The following ERBB4 variants were observed in gnomAD, a reference collection of about 807,000 sequenced individuals.
ERBB4 encodes the protein receptor tyrosine-protein kinase erbB-4.
ERBB4 carries 42 observed loss-of-function variants against 158.0 expected under a neutral mutation model. The ratio of observed to expected loss-of-function variants is 0.27; its 90% CI spans 0.21 to 0.34. The LOEUF is 0.34. Ranked by LOEUF, ERBB4 falls within the 10% of genes least tolerant of loss-of-function variation. The pLI is 1.00. For missense variants in ERBB4, 1,333 were observed against 1,624.1 expected, an observed-to-expected ratio of 0.82 and a Z score of 3.08; for synonymous variants, 583 against 558.7, an observed-to-expected ratio of 1.04 and a Z score of -0.61.
chr2:211,657,622 T>C (rs868033296), intron 16 of ERBB4, 132 bp downstream of exon 16: 11 of 766,030 alleles, frequency 1.4e-5, no homozygotes, highest in Middle Eastern at 3.5e-4. Flanking sequence ...TTTATGCCTC[T>C]TTCAAAACTT....
intron 1 of ERBB4, among the ~76,000 whole-genome samples, chr2:212,511,913 G>C (rs915757705): frequency 1.3e-5 from 2 of 152,090 alleles, no homozygotes; most frequent in African/African-American, 4.8e-5. Context: ...TGGGCTGCCA[G>C]TTCCAGGTGT....
At chr2:212,535,512 G>A (rs2106354841) in intron 1 of ERBB4, among the ~76,000 whole-genome samples, 1 of 152,120 alleles carries the variant, frequency 6.6e-6, no homozygotes, top group Admixed American at 6.5e-5. Flanking sequence ...AAAAAGAAAT[G>A]GGAACTGAAC....
chr2:211,933,345 T>C (rs1018748745), intron 3 of ERBB4, among the ~76,000 whole-genome samples: 1 of 152,082 alleles, frequency 6.6e-6, no homozygotes, highest in African/African-American at 2.4e-5. Context: ...CCATGCTTTA[T>C]AAAAGATATA....
At chr2:212,509,311 T>C (rs1678430286) in intron 1 of ERBB4, among the ~76,000 whole-genome samples, 1 of 152,056 alleles carries the variant, frequency 6.6e-6, no homozygotes, top group East Asian at 1.9e-4. Context: ...ATTTTCCCAT[T>C]ATGACTCTTG....
chr2:212,366,121 TTTGA>T (rs1236761573), intron 1 of ERBB4, among the ~76,000 whole-genome samples: 1 of 151,890 alleles, frequency 6.6e-6, no homozygotes, highest in Admixed American at 6.6e-5. Flanking sequence ...AAAATATAAA[TTTGA>T]TTGGCAAAAT....
At chr2:211,820,762 G>A (rs374716205) in intron 3 of ERBB4, among the ~76,000 whole-genome samples, 1 of 151,788 alleles carries the variant, frequency 6.6e-6, no homozygotes. Flanking sequence ...GTTTATTCCA[G>A]AAGTGCAAGG....
chr2:211,752,300 GA>G (rs1012222656), intron 4 of ERBB4, among the ~76,000 whole-genome samples: 2 of 152,024 alleles, frequency 1.3e-5, no homozygotes, highest in African/African-American at 4.8e-5. Context: ...TTTTTTATGA[GA>G]AAGTAGCTAA....
intron 4 of ERBB4, chr2:211,779,390 G>A (rs184792804): frequency 6.6e-6 from 1 of 152,236 alleles, no homozygotes; most frequent in East Asian, 1.9e-4. Flanking sequence ...AGCAGTACTC[G>A]CCATTATAGG....
chr2:212,122,786 TA>T (rs543850858), intron 2 of ERBB4, among the ~76,000 whole-genome samples: 1 of 151,702 alleles, frequency 6.6e-6, no homozygotes, highest in Admixed American at 6.6e-5. Flanking sequence ...ATAAAATATA[TA>T]AAAAGACATT....
chr2:212,110,958 C>A (rs1411861055), intron 2 of ERBB4, among the ~76,000 whole-genome samples: 1 of 152,158 alleles, frequency 6.6e-6, no homozygotes, highest in Non-Finnish European at 1.5e-5. Flanking sequence ...TCTGGCCACC[C>A]GCCTACCTGA....
chr2:211,814,380 G>C (rs74578708), intron 3 of ERBB4, among the ~76,000 whole-genome samples: 6,489 of 152,206 alleles, frequency 0.043, 249 homozygotes, highest in Non-Finnish European at 0.064. Flanking sequence ...CATAAGGCAT[G>C]TAATATATGA....
At position 212,538,608 on chromosome 2, in the gene ERBB4, T is replaced by A. The variant is rs1693247324; in HGVS notation, c.-78A>T. 2 of 1,457,754 alleles carry A rather than the reference T, an allele frequency of 1.4e-6. No homozygotes were observed. Among genetic ancestry groups the A allele is most frequent in the African/African-American group, 1.4e-5 (1 of 71,630 alleles). The allele number at this position is 1,457,754 out of a possible 1,614,324, so 90.3% of individuals were successfully genotyped here. A position where few individuals can be genotyped will look rare whatever the true frequency, so the allele number is the denominator to read the frequency against. Reference sequence around the variant, plus strand: ...CCCCCTTTCGGGCACGCGGAGGAGATCCCCCAGCCGGGCGCGCGTGGGGGT... The same window carrying A: ...CCCCCTTTCGGGCACGCGGAGGAGAACCCCCAGCCGGGCGCGCGTGGGGGT... On this transcript the variant is annotated 5_prime_UTR_variant, in exon 1 of 28. Coordinates refer to ENST00000342788, the MANE Select transcript of ERBB4 (RefSeq NM_005235.3).
At chr2:211,884,063 C>A (rs1288113145) in intron 3 of ERBB4, among the ~76,000 whole-genome samples, 1 of 152,086 alleles carries the variant, frequency 6.6e-6, no homozygotes. Flanking sequence ...TGAAACAGTA[C>A]AATATAAACA....
chr2:211,782,417 T>A (rs147948060), intron 4 of ERBB4, among the ~76,000 whole-genome samples: 209 of 122,240 alleles, frequency 1.7e-3, no homozygotes, highest in Non-Finnish European at 2.8e-3. Flanking sequence ...CACTGTCACC[T>A]AGCAGCTTAG....
chr2:211,943,608 C>T (rs2080568071), intron 3 of ERBB4, among the ~76,000 whole-genome samples: 1 of 152,066 alleles, frequency 6.6e-6, no homozygotes, highest in African/African-American at 2.4e-5. Context: ...AATGTAAGTT[C>T]CTCACTCCTT....
intron 3 of ERBB4, among the ~76,000 whole-genome samples, chr2:211,833,238 G>A (rs1201199415): frequency 6.6e-6 from 1 of 152,030 alleles, no homozygotes; most frequent in African/African-American, 2.4e-5. Flanking sequence ...TTGCACATAA[G>A]TACTCTAGAA....
At chr2:212,166,026 T>C (rs2081336584) in intron 1 of ERBB4, among the ~76,000 whole-genome samples, 1 of 151,988 alleles carries the variant, frequency 6.6e-6, no homozygotes, top group Admixed American at 6.6e-5. Context: ...ATTTACATTT[T>C]AGAAAGTTGT....
chr2:212,221,291 T>A (rs147560289), intron 1 of ERBB4, among the ~76,000 whole-genome samples: 1 of 151,728 alleles, frequency 6.6e-6, no homozygotes, highest in Non-Finnish European at 1.5e-5. Context: ...AAGCATTAAA[T>A]GAATATGTAA....
At chr2:211,430,632 C>T (rs1401094477) in intron 21 of ERBB4, among the ~76,000 whole-genome samples, 1 of 152,058 alleles carries the variant, frequency 6.6e-6, no homozygotes, top group Non-Finnish European at 1.5e-5. Context: ...TCTAGAAGCC[C>T]TAAGGATCCA....
Sources: gnomAD v4.1 joint callset for allele counts (sites outside exome capture counted in the v4.1 genomes callset) on GRCh38, gnomAD v4.1.1 for gene constraint, MANE v1.5 for transcripts, NCBI Gene and HGNC (gene_info 2026-07-23, HGNC 2026-07-21) for gene names.